Variants in MNAT1 observed in about 807,000 individuals in gnomAD.
MNAT1 encodes the protein CDK-activating kinase assembly factor MAT1.
Under a neutral mutation model 42.0 loss-of-function variants are expected in MNAT1, and 43 were observed. That is an observed-to-expected ratio of 1.02 (90% confidence interval 0.80 to 1.32). MNAT1 has a LOEUF of 1.32. Among genes scored for constraint, MNAT1 ranks in the 40% most tolerant of loss-of-function variants. The probability of loss-of-function intolerance (pLI) is 0.00; values close to 1 mark genes in which losing one functional copy is unlikely to be tolerated. For synonymous variants in MNAT1, 118 were observed against 120.0 expected (o/e 0.98, Z 0.11); for missense variants, 306 against 350.4 (o/e 0.87, Z 1.01).
intron 7 of MNAT1, among the ~76,000 whole-genome samples, chr14:60,927,131 A>G (rs4151356): frequency 0.015 from 2,289 of 152,268 alleles, 52 homozygotes; most frequent in African/African-American, 0.052. Context: ...AAGGAAAACT[A>G]TATCTTCTGA....
At chr14:60,736,865 A>G (rs1896323307) in intron 1 of MNAT1, among the ~76,000 whole-genome samples, 1 of 152,176 alleles carries the variant, frequency 6.6e-6, no homozygotes, top group African/African-American at 2.4e-5. Context: ...TTTACTATAT[A>G]TTGGCTATTT....
chr14:60,833,165 T>C (rs1486249815), intron 6 of MNAT1, among the ~76,000 whole-genome samples: 1 of 152,154 alleles, frequency 6.6e-6, no homozygotes, highest in Non-Finnish European at 1.5e-5. Context: ...TGAATACTCT[T>C]TATTTCTTTC....
At chr14:60,902,056 C>T (rs1594850728) in intron 7 of MNAT1, among the ~76,000 whole-genome samples, 1 of 152,130 alleles carries the variant, frequency 6.6e-6, no homozygotes, top group East Asian at 1.9e-4. Flanking sequence ...ATCAACGCAG[C>T]AAACTTTATT....
chr14:60,934,627 A>C (rs2035954635), intron 7 of MNAT1, among the ~76,000 whole-genome samples: 2 of 152,290 alleles, frequency 1.3e-5, no homozygotes, highest in Non-Finnish European at 2.9e-5. Context: ...TCCTACCATG[A>C]TTGTGAGGCC....
rs2140317722 is a variant in MNAT1 at position 60,785,469 on chromosome 14, A to C, written c.90-10748A>C. ...TTGAAAATGTTAGCAAATGTTGAGC[A>C]AACATTGATATACTTTGCTTTCAAG... is the stretch of plus-strand genomic sequence containing the variant. On this transcript the variant is annotated intron_variant, in intron 1 of 7. Transcript: ENST00000261245. Among the ~76,000 whole-genome samples the C allele has an allele frequency of 2.6e-5, 4 of 152,356 alleles. No homozygotes were observed. The South Asian group carries it at 8.3e-4, about 32-fold the overall frequency.
At chr14:60,882,802 A>G (rs1405940670) in intron 7 of MNAT1, among the ~76,000 whole-genome samples, 1 of 152,000 alleles carries the variant, frequency 6.6e-6, no homozygotes, top group Non-Finnish European at 1.5e-5. Context: ...ATCTCATTGT[A>G]GTTTTGATTT....
At chr14:60,936,343 A>G (rs2035996153) in intron 7 of MNAT1, among the ~76,000 whole-genome samples, 1 of 151,538 alleles carries the variant, frequency 6.6e-6, no homozygotes, top group Admixed American at 6.6e-5. Context: ...CTCATCATTT[A>G]ACATTAGGTA....
chr14:60,937,930 T>G (rs1455598841), intron 7 of MNAT1, among the ~76,000 whole-genome samples: 1 of 152,180 alleles, frequency 6.6e-6, no homozygotes, highest in Non-Finnish European at 1.5e-5. Context: ...TAGTTCTCCT[T>G]GAAGAGGTCC....
At chr14:60,965,239 A>T (rs147772114) in intron 7 of MNAT1, among the ~76,000 whole-genome samples, 84 of 152,352 alleles carry the variant, frequency 5.5e-4, no homozygotes, top group African/African-American at 1.9e-3. Context: ...AATAAGTCAA[A>T]TTTAAAAATT....
chr14:60,735,480 T>C (rs1896278718), intron 1 of MNAT1, among the ~76,000 whole-genome samples: 1 of 152,142 alleles, frequency 6.6e-6, no homozygotes. Flanking sequence ...CTGTAGGTAG[T>C]TAATTTTGAA....
intron 7 of MNAT1, among the ~76,000 whole-genome samples, chr14:60,947,105 A>G (rs2036292231): frequency 6.6e-6 from 1 of 152,206 alleles, no homozygotes; most frequent in Non-Finnish European, 1.5e-5. Flanking sequence ...TATCACATTG[A>G]GAGTAGGGGC....
chr14:60,922,675 GA>G (rs201491529), intron 7 of MNAT1, among the ~76,000 whole-genome samples: 50 of 146,384 alleles, frequency 3.4e-4, no homozygotes, highest in East Asian at 1.2e-3. Flanking sequence ...GGGACAAAAA[GA>G]AAAAAAAAAC....
chr14:60,892,149 A>G (rs933647516), intron 7 of MNAT1, among the ~76,000 whole-genome samples: 1 of 152,082 alleles, frequency 6.6e-6, no homozygotes, highest in African/African-American at 2.4e-5. Flanking sequence ...ATAGTGTTCC[A>G]TATATGTTTT....
At chr14:60,876,045 C>T (rs2034429521) in intron 6 of MNAT1, among the ~76,000 whole-genome samples, 1 of 148,498 alleles carries the variant, frequency 6.7e-6, no homozygotes, top group Admixed American at 6.6e-5. Context: ...ATAGCTAAAA[C>T]ATGTGACACC....
intron 6 of MNAT1, among the ~76,000 whole-genome samples, chr14:60,867,450 T>C (rs1594815777): frequency 6.6e-6 from 1 of 152,106 alleles, no homozygotes; most frequent in South Asian, 2.1e-4. Context: ...TATATGTATC[T>C]TTTTTACCGT....
intron 7 of MNAT1, among the ~76,000 whole-genome samples, chr14:60,959,968 T>A (rs902278359): frequency 8.6e-5 from 13 of 151,192 alleles, no homozygotes; most frequent in African/African-American, 2.9e-4. Context: ...GTCAGTCGTA[T>A]TGATGCATGT....
In MNAT1 at chr14:60,808,428, G is replaced by T; in HGVS notation, c.420G>T (p.Leu140=). ...TTATTCAGAAAAATAAATTAAAGCT[G>T]GTCGGTTGCTAAGTATTTTCTTCTT... ...KDVIQKNKLK[L]TREQEELEEA... Residue 140 remains leucine (L), a splice_region_variant and synonymous_variant, in exon 4 of 8, where the codon CTG becomes CTT. Transcript: ENST00000261245. 6.7e-7 allele frequency: 1 copy of T among 1,493,994 alleles called. No homozygotes were observed. The highest frequency in any genetic ancestry group is 1.3e-5 in the South Asian group (1 of 79,222). 92.5% of individuals were successfully genotyped at this position (1,493,994 alleles called of 1,614,324 possible).
intron 7 of MNAT1, among the ~76,000 whole-genome samples, chr14:60,956,154 T>A (rs2036484479): frequency 1.3e-5 from 2 of 152,164 alleles, no homozygotes; most frequent in South Asian, 4.1e-4. Context: ...TTCTCAGGAC[T>A]GCTTTGGCTA....
Position 60,963,170 on chromosome 14 carries a change from C to G in MNAT1, c.810-5059C>G, listed in dbSNP as rs563711041. Among the ~76,000 whole-genome samples the G allele has an allele frequency of 2.6e-5, 4 of 152,004 alleles. No individual in the cohort carries two copies. In the East Asian group the frequency reaches 7.8e-4, roughly 29 times the overall value. On this transcript the variant is annotated intron_variant, in intron 7 of 7. Transcript: ENST00000261245. The stretch of plus-strand genomic sequence containing the variant: ...CTAATTTTTGTATTTTTAGTAGATT[C>G]GGGTTTTCACCATGTTGGTCAGGCT...
Sources: gnomAD v4.1 joint callset for allele counts (sites outside exome capture counted in the v4.1 genomes callset) on GRCh38, gnomAD v4.1.1 for gene constraint, MANE v1.5 for transcripts, NCBI Gene and HGNC (gene_info 2026-07-23, HGNC 2026-07-21) for gene names.